Variants in ERICH1 observed in about 807,000 individuals in gnomAD.
ERICH1 encodes the protein glutamate-rich protein 1.
ERICH1 carries 56 observed loss-of-function variants against 39.6 expected under a neutral mutation model. That is an observed-to-expected ratio of 1.41 (90% confidence interval 1.14 to 1.77). The LOEUF (loss-of-function observed/expected upper bound fraction) is 1.77, where lower values mean the gene tolerates loss of function less well. Ranked by LOEUF, ERICH1 falls within the 40% of genes most tolerant of loss-of-function variation. The probability of loss-of-function intolerance (pLI) is 0.00; values close to 1 mark genes in which losing one functional copy is unlikely to be tolerated. For missense variants in ERICH1, 826 were observed against 575.4 expected (o/e 1.44, Z -4.45); for synonymous variants, 313 against 223.6 (o/e 1.40, Z -3.57).
At chr8:662,227 T>C (rs1006778591), downstream of ERICH1, among the ~76,000 whole-genome samples, 1 of 152,286 alleles carries the variant, frequency 6.6e-6, no homozygotes, top group Non-Finnish European at 1.5e-5. Flanking sequence ...TGCATTCACT[T>C]GCAGGGGATG....
At chr8:701,343 T>C (rs892084580) in intron 2 of ERICH1, among the ~76,000 whole-genome samples, 2 of 150,162 alleles carry the variant, frequency 1.3e-5, no homozygotes, top group Admixed American at 6.6e-5. Flanking sequence ...GAGCACGCCG[T>C]ACCCACGGGT....
Position 692,515 on chromosome 8 carries a change from C to G in ERICH1, c.267G>C (p.Gly89=). The part of the protein sequence containing the change: ...VPCWPEPSSC[G]SPENASSGDD... ...CCCCGCTGGAGGCGTTCTCGGGGCT[C>G]CCACAGCTGCTGGGCTCCGGCCAAC... The change falls in exon 3 of 6, where the codon GGG becomes GGC. Residue 89 remains glycine, a synonymous_variant. Transcript: ENST00000262109. The G allele has an allele frequency of 6.2e-7, 1 of 1,614,106 alleles. No individual in the cohort carries two copies. Among genetic ancestry groups the G allele is most frequent in the South Asian group, 1.1e-5 (1 of 91,082 alleles).
chr8:699,995 T>G (rs1249338576), intron 2 of ERICH1, among the ~76,000 whole-genome samples: 2,005 of 21,626 alleles, frequency 0.093, 2 homozygotes, highest in Non-Finnish European at 0.12. Context: ...GCACAGACCC[T>G]CACAGGCGCA....
chr8:729,218 G>T (rs1184097271), intron 1 of ERICH1, among the ~76,000 whole-genome samples: 1 of 152,228 alleles, frequency 6.6e-6, no homozygotes, highest in East Asian at 1.9e-4. Context: ...CGCCAAGTCA[G>T]TTCTGTGTGG....
chr8:720,877 T>C (rs1817164925), intron 1 of ERICH1, among the ~76,000 whole-genome samples: 1 of 152,192 alleles, frequency 6.6e-6, no homozygotes, highest in Admixed American at 6.5e-5. Context: ...GGAATGAGCC[T>C]GAAGCCACTC....
intron 3 of ERICH1, among the ~76,000 whole-genome samples, chr8:652,740 A>G (rs1470189063): frequency 6.6e-6 from 1 of 152,208 alleles, no homozygotes; most frequent in Non-Finnish European, 1.5e-5. Context: ...TCTGATGTAG[A>G]ACTGGTTTAT....
At chr8:726,964 T>C (rs1011246347) in intron 1 of ERICH1, among the ~76,000 whole-genome samples, 2 of 140,376 alleles carry the variant, frequency 1.4e-5, no homozygotes, top group African/African-American at 5.9e-5. Context: ...CACATACACA[T>C]GCACACACGT....
intron 3 of ERICH1, among the ~76,000 whole-genome samples, chr8:616,892 C>G (rs1274511312): frequency 9.4e-4 from 10 of 10,616 alleles, no homozygotes; most frequent in African/African-American, 5.6e-3. Context: ...GACAGAGACA[C>G]ACACACACAC....
chr8:689,736 T>C (rs1808479219), intron 3 of ERICH1, among the ~76,000 whole-genome samples: 1 of 152,178 alleles, frequency 6.6e-6, no homozygotes, highest in Non-Finnish European at 1.5e-5. Flanking sequence ...GTCCCCACAG[T>C]GGTCAGCTGG....
At chr8:688,975 A>C (rs1808301586) in intron 3 of ERICH1, among the ~76,000 whole-genome samples, 1 of 152,246 alleles carries the variant, frequency 6.6e-6, no homozygotes, top group East Asian at 1.9e-4. Flanking sequence ...TTTTACAAAA[A>C]CAAGGAAAAA....
chr8:727,465 C>A (rs1282599887), intron 1 of ERICH1, among the ~76,000 whole-genome samples: 1 of 152,196 alleles, frequency 6.6e-6, no homozygotes, highest in African/African-American at 2.4e-5. Context: ...CACAGCAAGG[C>A]ACTGGCAGCT....
rs539261375 is a variant in ERICH1, at chr8:641,688, C to G, written c.977-26404G>C. Among the ~76,000 whole-genome samples, 507 of 152,350 alleles carry G rather than the reference C, an allele frequency of 3.3e-3. 9 individuals carry two copies. The highest frequency in any genetic ancestry group is 0.025 in the Admixed American group (389 of 15,302). ...ACGCAGCGGCCGTCACGCCTGGGTA[C>G]GCTGGCAGCGGAGCTCCTCCCGGAG... On this transcript the variant is annotated intron_variant, in intron 3 of 3. Transcript: ENST00000522706.
intron 3 of ERICH1, among the ~76,000 whole-genome samples, chr8:655,758 C>T (rs934242145): frequency 6.8e-6 from 1 of 146,916 alleles, no homozygotes; most frequent in Non-Finnish European, 1.5e-5. Context: ...CATGCACAGT[C>T]ACACACGGTA....
chr8:689,100 G>C (rs950376710), intron 3 of ERICH1, among the ~76,000 whole-genome samples: 1 of 148,978 alleles, frequency 6.7e-6, no homozygotes, highest in Non-Finnish European at 1.5e-5. Flanking sequence ...TAGGTGAAGA[G>C]CTCACGTATG....
intron 3 of ERICH1, among the ~76,000 whole-genome samples, chr8:687,933 G>C (rs1393767719): frequency 6.6e-6 from 1 of 152,098 alleles, no homozygotes; most frequent in Admixed American, 6.5e-5. Context: ...CCCGAGCAGG[G>C]TCTGAGGCTC....
At chr8:724,596 A>G (rs984804401) in intron 1 of ERICH1, among the ~76,000 whole-genome samples, 2 of 152,164 alleles carry the variant, frequency 1.3e-5, no homozygotes, top group African/African-American at 4.8e-5. Flanking sequence ...GCTGGGCTAA[A>G]ACACGCTGAG....
chr8:721,475 A>T (rs1315786807), intron 1 of ERICH1, among the ~76,000 whole-genome samples: 1 of 152,236 alleles, frequency 6.6e-6, no homozygotes, highest in Non-Finnish European at 1.5e-5. Context: ...TGAGCTGACA[A>T]GCGCCGAGCG....
intron 4 of ERICH1, chr8:668,993 T>C: frequency 1.7e-6 from 1 of 587,488 alleles, no homozygotes; most frequent in Non-Finnish European, 3.0e-6. Context: ...TGTGGAAACC[T>C]GGCCCGTCTA....
At chr8:635,216 G>C (rs542624687) in intron 3 of ERICH1, among the ~76,000 whole-genome samples, 75 of 152,282 alleles carry the variant, frequency 4.9e-4, no homozygotes, top group Admixed American at 1.8e-3. Flanking sequence ...CTCAGCCTCA[G>C]GAAAGAGCCA....
Sources: allele counts gnomAD v4.1 joint callset (sites outside exome capture counted in the v4.1 genomes callset), GRCh38; gene constraint gnomAD v4.1.1; transcripts MANE v1.5; gene names NCBI Gene and HGNC (gene_info 2026-07-23, HGNC 2026-07-21).